Variants in SYN3 observed in about 807,000 individuals in gnomAD.
SYN3 encodes synapsin III, also known as synapsin-3.
A neutral mutation model predicts 65.8 loss-of-function variants in SYN3; 35 were observed. The ratio of observed to expected loss-of-function variants is 0.53; its 90% confidence interval spans 0.41 to 0.70. SYN3 has a LOEUF of 0.70. Ranked by LOEUF, SYN3 falls within the 30% of genes least tolerant of loss-of-function variation. The pLI is 0.00. For missense variants in SYN3, 680 were observed against 749.0 expected (o/e 0.91, Z 1.08); for synonymous variants, 270 against 292.9 (o/e 0.92, Z 0.80).
intron 6 of SYN3, among the ~76,000 whole-genome samples, chr22:32,804,942 C>A (rs1569237675): frequency 6.6e-6 from 1 of 152,150 alleles, no homozygotes; most frequent in South Asian, 2.1e-4. Flanking sequence ...GCGGCCTCGG[C>A]CCGGGCAAAT....
In SYN3 at chr22:32,799,417, G is replaced by T. The variant is rs182009866; in HGVS notation, c.711+65498C>A. Reference sequence around the variant, plus strand: ...CTTGTGCTTTCATAATTAAGTAGCTGCTGGAAAAAAACGCTTCAGATGCTT... The same window carrying T: ...CTTGTGCTTTCATAATTAAGTAGCTTCTGGAAAAAAACGCTTCAGATGCTT... On this transcript the variant is annotated intron_variant, in intron 6 of 13. Coordinates refer to ENST00000358763, the MANE Select transcript of SYN3 (RefSeq NM_003490.4). 8.1e-4 allele frequency among the ~76,000 whole-genome samples: 124 copies of T among 152,280 alleles called. 1 individual carries two copies. Among genetic ancestry groups the T allele is most frequent in the Non-Finnish European group, 5.0e-4 (34 of 68,014 alleles).
chr22:32,658,011 G>C (rs1325661960), intron 6 of SYN3, among the ~76,000 whole-genome samples: 1 of 152,216 alleles, frequency 6.6e-6, no homozygotes, highest in Non-Finnish European at 1.5e-5. Flanking sequence ...CTCACACAGT[G>C]CTTGATGAGT....
At chr22:32,987,858 C>T (rs762665999) in intron 2 of SYN3, among the ~76,000 whole-genome samples, 1 of 152,116 alleles carries the variant, frequency 6.6e-6, no homozygotes, top group African/African-American at 2.4e-5. Flanking sequence ...AGTCCTTGTT[C>T]TTGGAGAGCT....
intron 1 of SYN3, among the ~76,000 whole-genome samples, chr22:33,019,934 G>C (rs771633888): frequency 1.3e-5 from 2 of 152,222 alleles, no homozygotes; most frequent in Non-Finnish European, 2.9e-5. Context: ...CTACTGGGAA[G>C]ATCAAATGAA....
chr22:32,782,797 G>A lies in SYN3; in HGVS notation c.711+82118C>T, dbSNP rs980396058. ...CTCCTAAAGTGCTGGGATTACAGGC[G>A]TGAGCCACCGTGCCCAGCCCAGGCC... On this transcript the variant is annotated intron_variant, in intron 6 of 13. Coordinates refer to ENST00000358763, the MANE Select transcript of SYN3 (RefSeq NM_003490.4). Among the ~76,000 whole-genome samples the A allele has an allele frequency of 5.3e-5, 8 of 152,244 alleles. No homozygotes were observed. In the East Asian group the frequency reaches 5.8e-4, roughly 11 times the overall value.
intron 6 of SYN3, among the ~76,000 whole-genome samples, chr22:32,784,120 T>C (rs1373592901): frequency 6.6e-6 from 1 of 152,232 alleles, no homozygotes; most frequent in African/African-American, 2.4e-5. Context: ...CTGGGGCTTT[T>C]GTCATTCTCT....
chr22:32,677,398 T>A (rs1052190311), intron 6 of SYN3, among the ~76,000 whole-genome samples: 12 of 152,348 alleles, frequency 7.9e-5, no homozygotes, highest in Non-Finnish European at 1.2e-4. Flanking sequence ...GCAGTGTGCA[T>A]ACCATAAATC....
intron 1 of SYN3, among the ~76,000 whole-genome samples, chr22:33,055,422 C>T (rs1343982363): frequency 1.3e-5 from 2 of 152,146 alleles, no homozygotes; most frequent in Admixed American, 6.5e-5. Flanking sequence ...TTGGCGTTGC[C>T]GGATCTTTCT....
intron 7 of SYN3, among the ~76,000 whole-genome samples, chr22:32,566,260 G>T (rs943248699): frequency 4.2e-4 from 64 of 152,148 alleles, no homozygotes; most frequent in African/African-American, 1.2e-3. Context: ...TTGGAATTGG[G>T]TGTGTATTTT....
At chr22:33,026,756 C>T (rs2053647001) in intron 1 of SYN3, among the ~76,000 whole-genome samples, 2 of 152,168 alleles carry the variant, frequency 1.3e-5, no homozygotes, top group Admixed American at 6.5e-5. Flanking sequence ...GGTTGGGAAC[C>T]CACACCCTAG....
At position 32,510,996 on chromosome 22, in the gene SYN3, T is replaced by TGTGTGTGG; in HGVS notation, c.*2695_*2696insCCACACAC. Among the ~76,000 whole-genome samples the TGTGTGTGG allele has an allele frequency of 7.0e-6, 1 of 142,748 alleles. No homozygotes were observed. Among genetic ancestry groups the TGTGTGTGG allele is most frequent in the African/African-American group, 2.5e-5 (1 of 39,702 alleles). The allele number at this position is 142,748 out of a possible 152,430, so 93.6% of individuals were successfully genotyped here. A position where few individuals can be genotyped will look rare whatever the true frequency, so the allele number is the denominator to read the frequency against. ...GTTATTGTCCAGGCGTGTGTGTGTG[T>TGTGTGTGG]GTGTGTGTGTGTGTGTGTGTAAGGG... On this transcript the variant is annotated 3_prime_UTR_variant, in exon 14 of 14. Transcript: ENST00000358763.
intron 6 of SYN3, among the ~76,000 whole-genome samples, chr22:32,826,500 A>G (rs1415845121): frequency 5.3e-5 from 8 of 152,208 alleles, no homozygotes; most frequent in East Asian, 1.9e-4. Context: ...GCATGGAGAA[A>G]GTAGAAAACC....
At chr22:33,014,157 T>C (rs2053414884) in intron 1 of SYN3, among the ~76,000 whole-genome samples, 1 of 151,724 alleles carries the variant, frequency 6.6e-6, no homozygotes. Context: ...CTCAAGCAAT[T>C]CTCCTGCTTA....
In SYN3 at chr22:32,710,645, A is replaced by AAAAAAAAAAAAAAAG. The variant is rs1555931894; in HGVS notation, c.712-113910_712-113909insCTTTTTTTTTTTTTT. On this transcript the variant is annotated intron_variant, in intron 6 of 13. Coordinates refer to ENST00000358763, the MANE Select transcript of SYN3 (RefSeq NM_003490.4). ...GAGACTCTGTCTCAAAAAAAAAAAA[A>AAAAAAAAAAAAAAAG]AAAGAAAGAAAGAAAAAGAAAGAAA... is the stretch of plus-strand genomic sequence containing the variant. Among the ~76,000 whole-genome samples, 305 of 126,954 alleles carry AAAAAAAAAAAAAAAG rather than the reference A, an allele frequency of 2.4e-3. 22 individuals carry two copies. Among genetic ancestry groups the AAAAAAAAAAAAAAAG allele is most frequent in the African/African-American group, 0.01 (292 of 28,696 alleles). The allele number at this position is 126,954 out of a possible 152,430, so 83.3% of individuals were successfully genotyped here.
At chr22:32,604,194 G>C (rs576512817) in intron 6 of SYN3, among the ~76,000 whole-genome samples, 1 of 152,228 alleles carries the variant, frequency 6.6e-6, no homozygotes, top group Non-Finnish European at 1.5e-5. Flanking sequence ...CTGGTCCTAC[G>C]TAAGCGATGG....
At chr22:32,885,705 C>T (rs1387037641) in intron 4 of SYN3, among the ~76,000 whole-genome samples, 3 of 152,090 alleles carry the variant, frequency 2.0e-5, no homozygotes, top group East Asian at 3.9e-4. Context: ...GGACTACAGG[C>T]GCCCACCACC....
intron 10 of SYN3, among the ~76,000 whole-genome samples, chr22:32,532,241 C>T (rs1382768615): frequency 6.6e-6 from 1 of 152,294 alleles, no homozygotes; most frequent in Non-Finnish European, 1.5e-5. Flanking sequence ...AATCTGGGTT[C>T]ATGTCTGGTG....
intron 6 of SYN3, among the ~76,000 whole-genome samples, chr22:32,842,230 G>T (rs559880350): frequency 6.6e-6 from 1 of 152,282 alleles, no homozygotes; most frequent in African/African-American, 2.4e-5. Context: ...CACTTCTCCA[G>T]TTTTCTTGAT....
chr22:32,591,051 C>A (rs1056540656), intron 7 of SYN3, among the ~76,000 whole-genome samples: 1 of 152,188 alleles, frequency 6.6e-6, no homozygotes, highest in African/African-American at 2.4e-5. Context: ...TTAATCCTCA[C>A]AACCAGCTTA....
Sources: allele counts gnomAD v4.1 joint callset (sites outside exome capture counted in the v4.1 genomes callset), GRCh38; gene constraint gnomAD v4.1.1; transcripts MANE v1.5; gene names NCBI Gene and HGNC (gene_info 2026-07-23, HGNC 2026-07-21).